The following BMP5 variants were observed in gnomAD, a reference collection of about 807,000 sequenced individuals.
The protein encoded by BMP5 is bone morphogenetic protein 5.
In BMP5, 23 loss-of-function variants were observed where a neutral mutation model predicts 46.6. The ratio of observed to expected loss-of-function variants is 0.49; its 90% CI spans 0.35 to 0.70. The LOEUF (loss-of-function observed/expected upper bound fraction) is 0.70. Among genes scored for constraint, BMP5 ranks in the 30% least tolerant of loss-of-function variants. BMP5 has a pLI of 0.00. For synonymous variants in BMP5, 204 were observed against 191.9 expected (o/e 1.06, Z -0.52); for missense variants, 545 against 565.6 (o/e 0.96, Z 0.37).
chr6:55,823,304 G>C (rs1461165804), intron 1 of BMP5, among the ~76,000 whole-genome samples: 1 of 151,996 alleles, frequency 6.6e-6, no homozygotes, highest in East Asian at 1.9e-4. Flanking sequence ...TCACCAAAAA[G>C]TATATAGCAT....
chr6:55,791,610 T>C (rs910256677), intron 3 of BMP5, among the ~76,000 whole-genome samples: 2 of 152,032 alleles, frequency 1.3e-5, no homozygotes, highest in African/African-American at 2.4e-5. Context: ...AGTCAAAATA[T>C]AGACTAGTTC....
chr6:55,820,749 T>TTTGC (rs1776391176), intron 1 of BMP5, among the ~76,000 whole-genome samples: 1 of 150,348 alleles, frequency 6.7e-6, no homozygotes, highest in Non-Finnish European at 1.5e-5. Flanking sequence ...TGTTTGTTTG[T>TTTGC]TTGCTTTTAA....
chr6:55,757,795 A>G (rs1337599012), intron 6 of BMP5, among the ~76,000 whole-genome samples: 2 of 151,962 alleles, frequency 1.3e-5, no homozygotes, highest in Non-Finnish European at 2.9e-5. Flanking sequence ...TCTCTAGCCC[A>G]AGGTTATTTC....
intron 1 of BMP5, among the ~76,000 whole-genome samples, chr6:55,856,846 A>G (rs570349597): frequency 2.6e-5 from 4 of 152,096 alleles, no homozygotes; most frequent in Non-Finnish European, 5.9e-5. Context: ...TTAAGTACAA[A>G]ATTATTTTAC....
At chr6:55,809,320 G>C (rs954707368) in intron 2 of BMP5, among the ~76,000 whole-genome samples, 2 of 152,108 alleles carry the variant, frequency 1.3e-5, no homozygotes, top group Admixed American at 6.5e-5. Flanking sequence ...ATTATAGTCA[G>C]AAGTGATTTA....
At chr6:55,836,211 A>T (rs1429695201) in intron 1 of BMP5, among the ~76,000 whole-genome samples, 1 of 152,182 alleles carries the variant, frequency 6.6e-6, no homozygotes, top group African/African-American at 2.4e-5. Context: ...ATTGAGTACT[A>T]AAAACACATT....
intron 2 of BMP5, among the ~76,000 whole-genome samples, chr6:55,812,768 A>T (rs2127535868): frequency 6.6e-6 from 1 of 152,320 alleles, no homozygotes; most frequent in East Asian, 1.9e-4. Flanking sequence ...CTTCCACTTT[A>T]GTTCTTTAAG....
chr6:55,868,423 G>A (rs1777700693), intron 1 of BMP5, among the ~76,000 whole-genome samples: 1 of 152,068 alleles, frequency 6.6e-6, no homozygotes, highest in African/African-American at 2.4e-5. Context: ...CAAGGTTTTA[G>A]TTTCTAAGAG....
rs562239193 is a variant in BMP5 at position 55,772,032 on chromosome 6, G to T, written c.1027+2017C>A. On this transcript the variant is annotated intron_variant, in intron 4 of 6. Coordinates refer to ENST00000370830, the MANE Select transcript of BMP5 (RefSeq NM_021073.4). ...CTGCTTGATTACTACCTATTGAAAG[G>T]TTAAGTCTTATAGACACAAACCAGC... Among the ~76,000 whole-genome samples, 13 of 151,858 alleles carry T rather than the reference G, an allele frequency of 8.6e-5. No homozygotes were observed. In the South Asian group the frequency reaches 2.1e-3, roughly 24 times the overall value.
chr6:55,801,303 T>C (rs1775844087), intron 2 of BMP5, among the ~76,000 whole-genome samples: 1 of 152,172 alleles, frequency 6.6e-6, no homozygotes, highest in South Asian at 2.1e-4. Flanking sequence ...GTTCATCTTA[T>C]TGGTGTTGAG....
intron 3 of BMP5, among the ~76,000 whole-genome samples, chr6:55,789,040 A>C (rs2127526977): frequency 6.6e-6 from 1 of 151,908 alleles, no homozygotes; most frequent in Non-Finnish European, 1.5e-5. Context: ...ATGTGGTTGA[A>C]AATTATGCTG....
chr6:55,835,073 T>A (rs1434060475), intron 1 of BMP5, among the ~76,000 whole-genome samples: 1 of 146,370 alleles, frequency 6.8e-6, no homozygotes, highest in Non-Finnish European at 1.5e-5. Flanking sequence ...GCAACAAGAG[T>A]GAAACTCCAT....
chr6:55,799,505 TG>T (rs758249762), intron 2 of BMP5, among the ~76,000 whole-genome samples: 27 of 152,192 alleles, frequency 1.8e-4, no homozygotes, highest in Non-Finnish European at 2.9e-4. Flanking sequence ...AACTATTGAC[TG>T]TCTTTAGAAG....
Position 55,808,612 on chromosome 6 carries a change from G to A in BMP5, c.683+11043C>T, listed in dbSNP as rs950962379. Among the ~76,000 whole-genome samples, 5 of 152,278 alleles carry A rather than the reference G, an allele frequency of 3.3e-5. No individual in the cohort carries two copies. The South Asian group carries it at 6.2e-4, about 19-fold the overall frequency. The stretch of plus-strand genomic sequence containing the variant: ...AGGCACTGGTGGCGTGGGCTCACAC[G>A]TGGGATCTTCCAATCTGTGGGCTGC... On this transcript the variant is annotated intron_variant, in intron 2 of 6. Transcript: ENST00000370830.
intron 1 of BMP5, among the ~76,000 whole-genome samples, chr6:55,831,972 T>A (rs1163132421): frequency 6.6e-6 from 1 of 152,052 alleles, no homozygotes; most frequent in Admixed American, 6.6e-5. Context: ...AAATAATGCT[T>A]AAGAAGGGAG....
At chr6:55,757,210 T>G (rs2127514182) in intron 6 of BMP5, among the ~76,000 whole-genome samples, 1 of 152,036 alleles carries the variant, frequency 6.6e-6, no homozygotes, top group East Asian at 1.9e-4. Context: ...CAAAGGGTAT[T>G]TTTCAATAAG....
At chr6:55,814,640 C>G (rs934750565) in intron 2 of BMP5, among the ~76,000 whole-genome samples, 1 of 152,132 alleles carries the variant, frequency 6.6e-6, no homozygotes, top group Non-Finnish European at 1.5e-5. Flanking sequence ...TCTATGTGTT[C>G]TTTCCCTTAA....
chr6:55,773,074 A>G (rs1348236670), intron 4 of BMP5, among the ~76,000 whole-genome samples: 1 of 151,860 alleles, frequency 6.6e-6, no homozygotes, highest in African/African-American at 2.4e-5. Flanking sequence ...TGAAGTTAGA[A>G]TTTCAATTTG....
At chr6:55,824,734 A>G (rs748502802) in intron 1 of BMP5, among the ~76,000 whole-genome samples, 43 of 151,836 alleles carry the variant, frequency 2.8e-4, no homozygotes, top group Admixed American at 1.3e-4. Flanking sequence ...TGTGTCAATC[A>G]ATTTGCTTCT....
Sources: gnomAD v4.1 joint callset for allele counts (sites outside exome capture counted in the v4.1 genomes callset) on GRCh38, gnomAD v4.1.1 for gene constraint, MANE v1.5 for transcripts, NCBI Gene and HGNC (gene_info 2026-07-23, HGNC 2026-07-21) for gene names.